TNS3: variants seen among roughly 807,000 people sequenced by gnomAD.
TNS3 encodes the protein tensin 3.
A neutral mutation model predicts 140.9 loss-of-function variants in TNS3; 45 were observed. The observed-to-expected ratio is 0.32, with a 90% CI of 0.25 to 0.41. TNS3 has a LOEUF of 0.41. Ranked by LOEUF, TNS3 falls within the 10% of genes least tolerant of loss-of-function variation. The pLI, the probability that TNS3 is intolerant of heterozygous loss-of-function variation, is 1.00. For missense variants in TNS3, 1,716 were observed against 1,906.7 expected, an observed-to-expected ratio of 0.90 and a Z score of 1.86; for synonymous variants, 815 against 788.4, an observed-to-expected ratio of 1.03 and a Z score of -0.56.
intron 8 of TNS3, among the ~76,000 whole-genome samples, chr7:47,430,154 G>A (rs1164137813): frequency 6.9e-6 from 1 of 144,646 alleles, no homozygotes; most frequent in Admixed American, 7.0e-5. Flanking sequence ...TTGAGACAGA[G>A]TTTCGCTCTT....
Position 47,300,609 on chromosome 7 carries a change from T to G in TNS3, c.3544+1577A>C, listed in dbSNP as rs1206833335. ...CTGTTTCAGATCCCCCCTGCTACAA[T>G]GACATTGCACAATGAGAGAAGGGGG... On this transcript the variant is annotated intron_variant, in intron 23 of 30. Coordinates refer to ENST00000311160, the MANE Select transcript of TNS3 (RefSeq NM_022748.12). Among the ~76,000 whole-genome samples the G allele has an allele frequency of 2.6e-5, 4 of 152,178 alleles. No homozygotes were observed. In the South Asian group the frequency reaches 8.3e-4, roughly 31 times the overall value.
At chr7:47,571,620 G>A (rs534463261) in intron 1 of TNS3, among the ~76,000 whole-genome samples, 42 of 152,352 alleles carry the variant, frequency 2.8e-4, no homozygotes, top group Non-Finnish European at 2.4e-4. Context: ...GATCACAGTC[G>A]GCCAAAAGCC....
At chr7:47,387,885 G>GCCTCGTT (rs1317701468) in intron 16 of TNS3, among the ~76,000 whole-genome samples, 3 of 152,186 alleles carry the variant, frequency 2.0e-5, no homozygotes, top group Non-Finnish European at 4.4e-5. Context: ...TTCAGTCCCA[G>GCCTCGTT]CCTCGTTCTC....
intron 4 of TNS3, 84 bp downstream of exon 4, chr7:47,481,019 T>A: frequency 5.3e-6 from 6 of 1,125,892 alleles, no homozygotes; most frequent in Non-Finnish European, 7.1e-6. Context: ...AGCCAAAAGA[T>A]CCCCAAAGAG....
At chr7:47,563,644 A>C (rs1305177656) in intron 1 of TNS3, among the ~76,000 whole-genome samples, 2 of 152,210 alleles carry the variant, frequency 1.3e-5, no homozygotes, top group African/African-American at 4.8e-5. Flanking sequence ...CCACAAGCCT[A>C]GTGATGAACA....
At chr7:47,378,558 C>T (rs951449387) in intron 16 of TNS3, among the ~76,000 whole-genome samples, 2 of 152,150 alleles carry the variant, frequency 1.3e-5, no homozygotes, top group Non-Finnish European at 2.9e-5. Flanking sequence ...TTTGTTTCCT[C>T]GGTGACTGAC....
chr7:47,578,476 G>A (rs559836472), intron 1 of TNS3, among the ~76,000 whole-genome samples: 12 of 151,392 alleles, frequency 7.9e-5, no homozygotes, highest in Admixed American at 3.3e-4. Context: ...CTCCTGTTTC[G>A]CAGAGGCAAC....
At chr7:47,487,162 G>C (rs1023864577) in intron 3 of TNS3, among the ~76,000 whole-genome samples, 32 of 152,162 alleles carry the variant, frequency 2.1e-4, no homozygotes, top group Admixed American at 6.5e-4. Context: ...AGCAGGGCGT[G>C]GCGGCACGTG....
chr7:47,449,174 G>C (rs1257347530), intron 4 of TNS3, among the ~76,000 whole-genome samples: 6 of 152,236 alleles, frequency 3.9e-5, no homozygotes, highest in Non-Finnish European at 7.3e-5. Flanking sequence ...CGCCTGGCAC[G>C]GGTGCGTATC....
intron 16 of TNS3, among the ~76,000 whole-genome samples, chr7:47,395,949 C>G (rs1792804392): frequency 2.6e-5 from 4 of 152,228 alleles, no homozygotes. Flanking sequence ...TCTCACTAAC[C>G]ACAGACACCC....
At position 47,309,409 on chromosome 7, in the gene TNS3, T is replaced by A. The variant is rs1013994081; in HGVS notation, c.2651-4406A>T. On this transcript the variant is annotated intron_variant, in intron 20 of 30. Transcript: ENST00000311160. ...AAAATGAAAAAGAGCAAAAAAAAAA[T>A]ATGCTATGAGAGTATGTTTAAAACA... is the stretch of plus-strand genomic sequence containing the variant. 4.0e-5 allele frequency among the ~76,000 whole-genome samples: 6 copies of A among 151,720 alleles called. No individual in the cohort carries two copies. The East Asian group carries it at 9.7e-4, about 25-fold the overall frequency.
chr7:47,324,578 C>G (rs1424417391), intron 20 of TNS3, among the ~76,000 whole-genome samples: 1 of 152,080 alleles, frequency 6.6e-6, no homozygotes, highest in East Asian at 1.9e-4. Context: ...ATGGTGAAAC[C>G]CCATCTCTAC....
intron 3 of TNS3, among the ~76,000 whole-genome samples, chr7:47,494,693 CAGG>C (rs887419095): frequency 5.9e-5 from 9 of 152,168 alleles, no homozygotes; most frequent in African/African-American, 1.7e-4. Context: ...CGCAGAAAGG[CAGG>C]AGTTGAAATG....
chr7:47,385,098 C>A (rs1390800536), intron 16 of TNS3, among the ~76,000 whole-genome samples: 1 of 152,248 alleles, frequency 6.6e-6, no homozygotes, highest in Non-Finnish European at 1.5e-5. Context: ...GAACTCACTC[C>A]CAGTCTGCTC....
intron 28 of TNS3, 112 bp downstream of exon 28, chr7:47,283,585 C>A: frequency 9.0e-7 from 1 of 1,109,794 alleles, no homozygotes. Context: ...GACTCATGAC[C>A]TCAAAGACGG....
At chr7:47,521,199 C>G (rs1429933925) in intron 2 of TNS3, among the ~76,000 whole-genome samples, 2 of 152,162 alleles carry the variant, frequency 1.3e-5, no homozygotes, top group Non-Finnish European at 2.9e-5. Context: ...CCCTGCCCCA[C>G]CCACCTCCCA....
At chr7:47,495,930 C>T (rs1254457190) in intron 3 of TNS3, among the ~76,000 whole-genome samples, 1 of 152,188 alleles carries the variant, frequency 6.6e-6, no homozygotes, top group African/African-American at 2.4e-5. Flanking sequence ...GACGAAACCA[C>T]ACACATTATG....
intron 4 of TNS3, among the ~76,000 whole-genome samples, chr7:47,451,526 A>G (rs1488328778): frequency 1.3e-5 from 2 of 151,162 alleles, no homozygotes; most frequent in East Asian, 3.9e-4. Context: ...GATTGCAGTG[A>G]GCCGAGATGG....
intron 4 of TNS3, among the ~76,000 whole-genome samples, chr7:47,462,399 T>C (rs1796526717): frequency 6.6e-6 from 1 of 152,188 alleles, no homozygotes; most frequent in African/African-American, 2.4e-5. Flanking sequence ...CAAACAGGCA[T>C]AAGCCACTGC....
Sources: gnomAD v4.1 joint callset for allele counts (sites outside exome capture counted in the v4.1 genomes callset) on GRCh38, gnomAD v4.1.1 for gene constraint, MANE v1.5 for transcripts, NCBI Gene and HGNC (gene_info 2026-07-23, HGNC 2026-07-21) for gene names.